MEGF6: variants seen among roughly 807,000 people sequenced by gnomAD.
The protein encoded by MEGF6 is multiple epidermal growth factor-like domains protein 6.
A neutral mutation model predicts 207.1 loss-of-function variants in MEGF6; 184 were observed. The ratio of observed to expected loss-of-function variants is 0.89; its 90% confidence interval spans 0.79 to 1.00. The LOEUF (loss-of-function observed/expected upper bound fraction) is 1.00, where lower values mean the gene tolerates loss of function less well. Ranked by LOEUF, MEGF6 falls within the 50% of genes least tolerant of loss-of-function variation. The pLI is 0.00. For missense variants in MEGF6, 2,282 were observed against 2,202.9 expected, an observed-to-expected ratio of 1.04 and a Z score of -0.72; for synonymous variants, 1,038 against 910.0, an observed-to-expected ratio of 1.14 and a Z score of -2.53.
intron 1 of MEGF6, among the ~76,000 whole-genome samples, chr1:3,605,491 CACAT>C (rs1041431967): frequency 5.3e-5 from 8 of 150,268 alleles, no homozygotes; most frequent in African/African-American, 1.2e-4. Context: ...CACAATTACA[CACAT>C]ACACACACAA....
At chr1:3,610,827 C>G (rs1011454965) in intron 1 of MEGF6, among the ~76,000 whole-genome samples, 1 of 151,122 alleles carries the variant, frequency 6.6e-6, no homozygotes, top group Admixed American at 6.6e-5. Context: ...AGACCCTGCC[C>G]GGAAAGGGGC....
In MEGF6 at chr1:3,489,166, T is replaced by C. The variant is rs1388283334; in HGVS notation, c.*1362A>G. Among the ~76,000 whole-genome samples the C allele has an allele frequency of 6.6e-6, 1 of 152,174 alleles. No homozygotes were observed. Among genetic ancestry groups the C allele is most frequent in the Non-Finnish European group, 1.5e-5 (1 of 68,022 alleles). On this transcript the variant is annotated 3_prime_UTR_variant, in exon 37 of 37. Coordinates refer to ENST00000356575, the MANE Select transcript of MEGF6 (RefSeq NM_001409.4). ...ACCATCCTGCCCTCCCTTATCACTG[T>C]TCTACTTTAAAGTCTCCCCACAGCG...
chr1:3,554,146 G>C (rs534172790), intron 4 of MEGF6, among the ~76,000 whole-genome samples: 1 of 152,066 alleles, frequency 6.6e-6, no homozygotes, highest in Admixed American at 6.5e-5. Context: ...GCCCCATCCC[G>C]CCCCCGGCAG....
intron 4 of MEGF6, among the ~76,000 whole-genome samples, chr1:3,572,224 T>C (rs143888264): frequency 4.3e-4 from 56 of 130,338 alleles, no homozygotes; most frequent in African/African-American, 1.7e-3. Flanking sequence ...GTGTGCTAGG[T>C]CCTTCCCGAG....
Position 3,501,302 on chromosome 1 carries a change from G to A in MEGF6, c.2321C>T (p.Pro774Leu). Residue 774 changes from proline to leucine, a missense_variant, in exon 19 of 37, where the codon CCC (proline) becomes CTC (leucine). Physicochemically the swap from Pro to Leu is moderately conservative, Grantham distance 98 (BLOSUM62 -3). Transcript: ENST00000356575. Reference sequence around the variant, plus strand: ...GCAGCCCAGCCCCCAGCGGCCCTCGGGACAATCTAGTGCCCACCCCCATGG... The same window carrying A: ...GCAGCCCAGCCCCCAGCGGCCCTCGAGACAATCTAGTGCCCACCCCCATGG... ...RTGEDCEADCPEGRWGLGCQE... is the reference protein window; with the variant it reads ...RTGEDCEADCLEGRWGLGCQE... 1 of 1,597,006 alleles carries A rather than the reference G, an allele frequency of 6.3e-7. No individual in the cohort carries two copies.
At chr1:3,587,119 G>C (rs1014751982) in intron 3 of MEGF6, among the ~76,000 whole-genome samples, 1 of 152,242 alleles carries the variant, frequency 6.6e-6, no homozygotes, top group African/African-American at 2.4e-5. Context: ...AGGGCACTTT[G>C]CCAACAAGGA....
intron 3 of MEGF6, among the ~76,000 whole-genome samples, chr1:3,583,360 GCAGCCACCAGACAACCCA>G (rs1557794816): frequency 0.11 from 8,085 of 71,364 alleles, 283 homozygotes; most frequent in Non-Finnish European, 0.12. Flanking sequence ...CAGACAACGC[GCAGCCACCAGACAACCCA>G]CAGCCACCAG....
At chr1:3,509,053 CG>C in intron 12 of MEGF6, 21 bp downstream of exon 12, 4 of 1,523,372 alleles carry the variant, frequency 2.6e-6, no homozygotes, top group African/African-American at 1.4e-5. Flanking sequence ...CAGGAGCCCC[CG>C]GGGGCTGGGC....
chr1:3,609,933 G>T (rs1450506968), intron 1 of MEGF6, among the ~76,000 whole-genome samples: 9 of 152,248 alleles, frequency 5.9e-5, no homozygotes, highest in Non-Finnish European at 1.3e-4. Flanking sequence ...ACTCTGGGGA[G>T]CCTATGCCCC....
chr1:3,585,054 G>A (rs1643872773), intron 3 of MEGF6, among the ~76,000 whole-genome samples: 4 of 151,598 alleles, frequency 2.6e-5, no homozygotes, highest in African/African-American at 9.7e-5. Flanking sequence ...GTGTGGGAGT[G>A]AGTGACACGT....
Position 3,496,760 on chromosome 1 carries a change from G to A in MEGF6, c.3637C>T (p.Pro1213Ser). ...QQRCPPGRYGPGCEQLCGCLN... is the reference protein window; with the variant it reads ...QQRCPPGRYGSGCEQLCGCLN... ...CACCCACACAGCTGTTCACAGCCTG[G>A]CCCATACCGCCCGGGCGGACATCCT... is the stretch of plus-strand genomic sequence containing the variant. The change falls in exon 29 of 37, where the codon CCA (proline) becomes TCA (serine). Residue 1213 changes from proline to serine, a missense_variant. Pro to Ser is a moderately conservative substitution (Grantham distance 74). Transcript: ENST00000356575. The A allele has an allele frequency of 1.3e-6, 2 of 1,558,872 alleles. No individual in the cohort carries two copies. The highest frequency in any genetic ancestry group is 1.7e-6 in the Non-Finnish European group (2 of 1,151,788).
At position 3,498,364 on chromosome 1, in the gene MEGF6, C is replaced by T; in HGVS notation, c.3352+7G>A. 6.3e-7 allele frequency: 1 copy of T among 1,599,388 alleles called. No homozygotes were observed. Among genetic ancestry groups the T allele is most frequent in the Non-Finnish European group, 8.5e-7 (1 of 1,176,446 alleles). On this transcript the variant is annotated splice_region_variant and intron_variant, in intron 26 of 36. Transcript: ENST00000356575. ...TGCAGACCCCCCTGCTGCCCCGCCC[C>T]ACTCACGGCTCTGACACTTGTCCCC... is the stretch of plus-strand genomic sequence containing the variant.
intron 3 of MEGF6, among the ~76,000 whole-genome samples, chr1:3,591,464 C>T (rs1265393889): frequency 6.6e-6 from 1 of 152,230 alleles, no homozygotes; most frequent in East Asian, 1.9e-4. Context: ...GCCTCCTCCT[C>T]TAAGAACAAG....
intron 4 of MEGF6, chr1:3,531,484 C>T (rs1404026871): frequency 9.3e-7 from 1 of 1,070,882 alleles, no homozygotes; most frequent in Non-Finnish European, 1.1e-6. Context: ...AGGCCAAGTC[C>T]GCAGACAACC....
At chr1:3,524,987 G>A (rs973886373) in intron 4 of MEGF6, among the ~76,000 whole-genome samples, 6 of 152,168 alleles carry the variant, frequency 3.9e-5, no homozygotes, top group Admixed American at 2.0e-4. Context: ...GTGGCCCCGC[G>A]GACACCTTGG....
At chr1:3,606,832 G>C (rs115328528) in intron 1 of MEGF6, among the ~76,000 whole-genome samples, 2,839 of 152,280 alleles carry the variant, frequency 0.019, 94 homozygotes, top group African/African-American at 0.065. Context: ...GGGCTACAGG[G>C]TCCAGCCCCT....
rs574735242 is a variant in MEGF6, at chr1:3,573,131, G to A, written c.481+6694C>T. Reference sequence around the variant, plus strand: ...ATGCTGGGTCCTCCTGTGTGTGCTGGGTCCTCCCTGGTGGGCTGTGTTCCC... The same window carrying A: ...ATGCTGGGTCCTCCTGTGTGTGCTGAGTCCTCCCTGGTGGGCTGTGTTCCC... On this transcript the variant is annotated intron_variant, in intron 4 of 36. Transcript: ENST00000356575. This position sits in a 1 kb window ranked among gnomAD's most constrained non-coding sequence, Gnocchi z 5.1. Among the ~76,000 whole-genome samples, 464 of 149,958 alleles carry A rather than the reference G, an allele frequency of 3.1e-3. 18 individuals are homozygous for A. The South Asian group carries it at 0.097, about 31-fold the overall frequency.
At chr1:3,559,149 G>T (rs1248784314) in intron 4 of MEGF6, among the ~76,000 whole-genome samples, 1 of 152,254 alleles carries the variant, frequency 6.6e-6, no homozygotes, top group Non-Finnish European at 1.5e-5. Context: ...AGCTCACTCT[G>T]CAAGGTGGTT....
chr1:3,549,447 T>TCCTC (rs1642817118), intron 4 of MEGF6, among the ~76,000 whole-genome samples: 1 of 152,022 alleles, frequency 6.6e-6, no homozygotes, highest in Admixed American at 6.6e-5. Flanking sequence ...AGCCTCTCTT[T>TCCTC]CCTCCAAAAC....
Sources: allele counts gnomAD v4.1 joint callset (sites outside exome capture counted in the v4.1 genomes callset), GRCh38; gene constraint gnomAD v4.1.1; non-coding constraint Gnocchi (gnomAD v3.1); transcripts MANE v1.5; gene names NCBI Gene and HGNC (gene_info 2026-07-23, HGNC 2026-07-21).